GRM3: variants seen among roughly 807,000 people sequenced by gnomAD.
GRM3 encodes the protein glutamate metabotropic receptor 3.
GRM3 carries 26 observed loss-of-function variants against 70.5 expected under a neutral mutation model. The observed-to-expected ratio is 0.37, with a 90% confidence interval of 0.27 to 0.51. GRM3 has a LOEUF of 0.51. GRM3 is among the 20% of genes least tolerant of loss of function. GRM3 has a pLI of 0.93. For synonymous variants in GRM3, 443 were observed against 434.9 expected, an observed-to-expected ratio of 1.02 and a Z score of -0.23; for missense variants, 859 against 1,123.8, an observed-to-expected ratio of 0.76 and a Z score of 3.37.
intron 4 of GRM3, among the ~76,000 whole-genome samples, chr7:86,848,147 T>C (rs143158452): frequency 0.014 from 2,098 of 152,302 alleles, 48 homozygotes; most frequent in African/African-American, 0.048. Flanking sequence ...TTAGGTAACA[T>C]AAGGTACTAC....
chr7:86,795,516 T>C (rs948594995), intron 3 of GRM3, among the ~76,000 whole-genome samples: 1 of 152,066 alleles, frequency 6.6e-6, no homozygotes, highest in African/African-American at 2.4e-5. Flanking sequence ...CACTTATAAC[T>C]GAGAACATGT....
rs542530232 is a variant in GRM3 at position 86,688,718 on chromosome 7, ATC to A, written c.-141+43850_-141+43851del. On this transcript the variant is annotated intron_variant, in intron 1 of 5. Transcript: ENST00000361669. Reference sequence around the variant, plus strand: ...TATATATATGAGAAATATGATATATATCTCTTACATATATGATATATATATAT... The same window carrying A: ...TATATATATGAGAAATATGATATATATCTTACATATATGATATATATATAT... Among the ~76,000 whole-genome samples the A allele has an allele frequency of 3.1e-3, 457 of 149,040 alleles. 4 individuals are homozygous for A. Among genetic ancestry groups the A allele is most frequent in the African/African-American group, 0.011 (433 of 40,960 alleles).
intron 1 of GRM3, among the ~76,000 whole-genome samples, chr7:86,669,331 G>A (rs1035159207): frequency 1.3e-5 from 2 of 152,122 alleles, no homozygotes; most frequent in African/African-American, 2.4e-5. Flanking sequence ...ACTACACTAA[G>A]AACTAGGGAA....
At chr7:86,795,210 C>T (rs1216227125) in intron 3 of GRM3, among the ~76,000 whole-genome samples, 4 of 151,080 alleles carry the variant, frequency 2.6e-5, no homozygotes, top group African/African-American at 9.7e-5. Flanking sequence ...CATACAGAAC[C>T]GAAGTATAGG....
chr7:86,721,866 C>T (rs1346412685), intron 1 of GRM3, among the ~76,000 whole-genome samples: 2 of 152,096 alleles, frequency 1.3e-5, no homozygotes, highest in Non-Finnish European at 2.9e-5. Context: ...TGTGACAAGG[C>T]AGTGTGATGT....
intron 1 of GRM3, among the ~76,000 whole-genome samples, chr7:86,662,676 T>C (rs1793923196): frequency 6.6e-6 from 1 of 151,978 alleles, no homozygotes; most frequent in Non-Finnish European, 1.5e-5. Flanking sequence ...ATTTTCATGA[T>C]ATTGCCTGTA....
At chr7:86,666,216 A>G (rs1480418889) in intron 1 of GRM3, among the ~76,000 whole-genome samples, 1 of 152,040 alleles carries the variant, frequency 6.6e-6, no homozygotes, top group East Asian at 1.9e-4. Flanking sequence ...AGAGGGAAAC[A>G]ATGTTGTATC....
At chr7:86,683,355 A>C (rs1013677613) in intron 1 of GRM3, among the ~76,000 whole-genome samples, 1 of 152,158 alleles carries the variant, frequency 6.6e-6, no homozygotes, top group African/African-American at 2.4e-5. Flanking sequence ...TCAGTTTGAG[A>C]CATGCTGACA....
At chr7:86,729,075 C>T (rs1795659678) in intron 1 of GRM3, among the ~76,000 whole-genome samples, 1 of 152,142 alleles carries the variant, frequency 6.6e-6, no homozygotes, top group South Asian at 2.1e-4. Context: ...GATGCAATCA[C>T]CCCAAATTAC....
At chr7:86,771,265 T>C (rs1054854309) in intron 2 of GRM3, among the ~76,000 whole-genome samples, 2 of 152,106 alleles carry the variant, frequency 1.3e-5, no homozygotes, top group Non-Finnish European at 2.9e-5. Flanking sequence ...TGTCACTTTA[T>C]GAAAATACTC....
Position 86,804,772 on chromosome 7 carries a change from T to C in GRM3, c.1324+17656T>C, listed in dbSNP as rs188916792. The stretch of plus-strand genomic sequence containing the variant: ...AGGTGCTTCTGTTTCTGGGGAAAAA[T>C]AGAGCGGATTTCTATTAGTGATAAT... On this transcript the variant is annotated intron_variant, in intron 3 of 5. Coordinates refer to ENST00000361669, the MANE Select transcript of GRM3 (RefSeq NM_000840.3). Among the ~76,000 whole-genome samples the C allele has an allele frequency of 1.7e-3, 266 of 152,268 alleles. 1 individual carries two copies. Among genetic ancestry groups the C allele is most frequent in the Non-Finnish European group, 2.6e-3 (180 of 68,012 alleles).
In GRM3 at chr7:86,793,189, C is replaced by G. The variant is rs75067322; in HGVS notation, c.1324+6073C>G. 4.5e-3 allele frequency among the ~76,000 whole-genome samples: 688 copies of G among 152,186 alleles called. 5 individuals carry two copies. Among genetic ancestry groups the G allele is most frequent in the East Asian group, 0.024 (122 of 5,182 alleles). ...TCCAGCCTTGCCACCCTACTCACCT[C>G]TGTGTCTGATTCATCCAATAGGAAC... On this transcript the variant is annotated intron_variant, in intron 3 of 5. Transcript: ENST00000361669.
intron 1 of GRM3, among the ~76,000 whole-genome samples, chr7:86,720,782 AGT>A (rs1332285663): frequency 6.6e-6 from 1 of 152,078 alleles, no homozygotes; most frequent in East Asian, 1.9e-4. Context: ...TTTGTATGAA[AGT>A]GTTCACTCAT....
intron 1 of GRM3, among the ~76,000 whole-genome samples, chr7:86,671,737 T>C (rs1794178057): frequency 6.6e-6 from 1 of 152,210 alleles, no homozygotes; most frequent in African/African-American, 2.4e-5. Flanking sequence ...AACCCTTGAT[T>C]CAATTCTCTC....
intron 3 of GRM3, among the ~76,000 whole-genome samples, chr7:86,793,752 C>T (rs17765140): frequency 0.036 from 5,507 of 152,162 alleles, 122 homozygotes; most frequent in East Asian, 0.065. Context: ...ACCTAATTTT[C>T]CACTTAGGCT....
At chr7:86,663,020 C>T (rs116714648) in intron 1 of GRM3, among the ~76,000 whole-genome samples, 2,020 of 151,660 alleles carry the variant, frequency 0.013, 40 homozygotes, top group African/African-American at 0.046. Context: ...TATCTTAATA[C>T]AATTGATGAA....
chr7:86,765,503 G>A lies in GRM3; in HGVS notation c.358G>A (p.Val120Met), dbSNP rs1417178434. The part of the protein sequence containing the change: ...LEFVRASLTK[V>M]DEAEYMCPDG... The stretch of plus-strand genomic sequence containing the variant: ...GTTTGTCAGGGCATCTTTGACAAAA[G>A]TGGATGAAGCTGAGTATATGTGTCC... Residue 120 changes from valine (V) to methionine (M), a missense_variant, in exon 2 of 6, where the codon GTG becomes ATG. Physicochemically the swap from Val to Met is conservative, Grantham distance 21. Coordinates refer to ENST00000361669, the MANE Select transcript of GRM3 (RefSeq NM_000840.3). The A allele has an allele frequency of 6.2e-7, 1 of 1,613,926 alleles. No homozygotes were observed. The highest frequency in any genetic ancestry group is 8.5e-7 in the Non-Finnish European group (1 of 1,179,868).
rs995016470 is a variant in GRM3, at chr7:86,765,454, C to G, written c.309C>G (p.Thr103=). The G allele has an allele frequency of 6.2e-7, 1 of 1,613,700 alleles. No homozygotes were observed. The highest frequency in any genetic ancestry group is 1.3e-5 in the African/African-American group (1 of 74,856). Residue 103 remains threonine (T), a synonymous_variant, in exon 2 of 6, where the codon ACC becomes ACG. Transcript: ENST00000361669. ...TTTTGGATACATGTTCAAGGGATAC[C>G]TATGCATTGGAGCAATCACTGGAGT... ...VHILDTCSRD[T]YALEQSLEFV...
chr7:86,755,028 G>A (rs150523346), intron 1 of GRM3, among the ~76,000 whole-genome samples: 2 of 152,024 alleles, frequency 1.3e-5, no homozygotes, highest in Non-Finnish European at 2.9e-5. Flanking sequence ...CATCCTGCTT[G>A]GCAATGATTT....
Sources: gnomAD v4.1 joint callset for allele counts (sites outside exome capture counted in the v4.1 genomes callset) on GRCh38, gnomAD v4.1.1 for gene constraint, MANE v1.5 for transcripts, NCBI Gene and HGNC (gene_info 2026-07-23, HGNC 2026-07-21) for gene names.